The following KCNAB1 variants were observed in gnomAD, a reference collection of about 807,000 sequenced individuals.
The protein encoded by KCNAB1 is potassium voltage-gated channel subfamily A regulatory beta subunit 1.
Under a neutral mutation model 64.6 loss-of-function variants are expected in KCNAB1, and 35 were observed. The observed-to-expected ratio is 0.54, with a 90% CI of 0.41 to 0.72. The LOEUF (loss-of-function observed/expected upper bound fraction) is 0.72, where lower values mean the gene tolerates loss of function less well. KCNAB1 is among the 30% of genes least tolerant of loss of function. KCNAB1 has a pLI of 0.00. For missense variants in KCNAB1, 401 were observed against 512.9 expected (o/e 0.78, Z 2.11); for synonymous variants, 177 against 183.8 (o/e 0.96, Z 0.30).
Position 156,517,077 on chromosome 3 carries a change from A to G in KCNAB1, c.960+713A>G, listed in dbSNP as rs537496970. ...TTGAGAGAATGTGTAATAACATTAG[A>G]ATCACAAATTACTCTCTATTGTCAA... On this transcript the variant is annotated intron_variant, in intron 11 of 13. Transcript: ENST00000490337. Among the ~76,000 whole-genome samples the G allele has an allele frequency of 3.9e-5, 6 of 152,364 alleles. No individual in the cohort carries two copies. In the South Asian group the frequency reaches 1.2e-3, roughly 32 times the overall value.
rs77699923 is a variant in KCNAB1, at chr3:156,534,391, C to T, written c.1171-2267C>T. Among the ~76,000 whole-genome samples the T allele has an allele frequency of 4.9e-3, 751 of 152,224 alleles. 7 individuals carry two copies. Among genetic ancestry groups the T allele is most frequent in the African/African-American group, 0.017 (718 of 41,524 alleles). On this transcript the variant is annotated intron_variant, in intron 13 of 13. Transcript: ENST00000490337. ...ACAGCTGCAGGCAGCCCACCTTCAC[C>T]TGCACAGGTTCCATCCTCCCCACTC...
At chr3:156,525,426 A>G (rs576525699) in intron 12 of KCNAB1, among the ~76,000 whole-genome samples, 5 of 152,376 alleles carry the variant, frequency 3.3e-5, no homozygotes, top group African/African-American at 1.2e-4. Flanking sequence ...AAAAGCTTAT[A>G]ACAATATAAA....
At chr3:156,466,675 G>T (rs546295127) in intron 7 of KCNAB1, among the ~76,000 whole-genome samples, 4 of 151,982 alleles carry the variant, frequency 2.6e-5, no homozygotes, top group African/African-American at 9.6e-5. Flanking sequence ...AAAATGTGTA[G>T]AAAATTACCA....
intron 12 of KCNAB1, among the ~76,000 whole-genome samples, chr3:156,525,430 A>G (rs1178050631): frequency 6.6e-6 from 1 of 152,236 alleles, no homozygotes; most frequent in Non-Finnish European, 1.5e-5. Context: ...GCTTATAACA[A>G]TATAAAGAAA....
At chr3:156,351,025 A>G (rs1384176745) in intron 1 of KCNAB1, among the ~76,000 whole-genome samples, 2 of 152,256 alleles carry the variant, frequency 1.3e-5, no homozygotes, top group African/African-American at 2.4e-5. Flanking sequence ...AAGGAATCAG[A>G]CAGATTAAAA....
intron 3 of KCNAB1, among the ~76,000 whole-genome samples, chr3:156,453,467 T>G (rs1712156221): frequency 6.6e-6 from 1 of 152,152 alleles, no homozygotes; most frequent in Admixed American, 6.5e-5. Context: ...TGGTGATCTG[T>G]TGAAAGAATT....
At chr3:156,211,857 A>G (rs1023095106) in intron 1 of KCNAB1, among the ~76,000 whole-genome samples, 18 of 152,220 alleles carry the variant, frequency 1.2e-4, no homozygotes, top group Admixed American at 4.6e-4. Flanking sequence ...TGAGATGTGG[A>G]AAGCCCAGCA....
intron 1 of KCNAB1, among the ~76,000 whole-genome samples, chr3:156,152,195 C>T (rs1419061844): frequency 6.6e-6 from 1 of 152,188 alleles, no homozygotes; most frequent in Non-Finnish European, 1.5e-5. Context: ...AATCCGGTCC[C>T]CTGTGTCCCT....
At chr3:156,205,019 T>G (rs747687254) in intron 1 of KCNAB1, among the ~76,000 whole-genome samples, 16 of 152,192 alleles carry the variant, frequency 1.1e-4, no homozygotes, top group Non-Finnish European at 2.9e-5. Context: ...ACAAAAATTA[T>G]ATATCTCTTA....
intron 3 of KCNAB1, chr3:156,457,249 A>C (rs1236354141): frequency 7.3e-7 from 1 of 1,369,972 alleles, no homozygotes; most frequent in Non-Finnish European, 9.4e-7. Context: ...GTAACCCCTC[A>C]GTGCCCTATG....
intron 1 of KCNAB1, among the ~76,000 whole-genome samples, chr3:156,381,211 G>T (rs1712131630): frequency 6.6e-6 from 1 of 152,154 alleles, no homozygotes; most frequent in Non-Finnish European, 1.5e-5. Flanking sequence ...TGAGTCTTGG[G>T]ATTAGGGAAT....
At chr3:156,291,873 G>T (rs1720457051) in intron 1 of KCNAB1, 1 of 1,612,510 alleles carries the variant, frequency 6.2e-7, no homozygotes, top group Admixed American at 1.7e-5. Flanking sequence ...GTGTTCTGGG[G>T]TTCTGAGAGG....
chr3:156,176,817 C>T, intron 1 of KCNAB1: 1 of 891,574 alleles, frequency 1.1e-6, no homozygotes. Context: ...GGCTCCAGGG[C>T]CCGATCCCGC....
chr3:156,354,229 C>T (rs556586875), intron 1 of KCNAB1, among the ~76,000 whole-genome samples: 1 of 147,646 alleles, frequency 6.8e-6, no homozygotes, highest in Non-Finnish European at 1.5e-5. Context: ...TTGGTGTGAT[C>T]TCGGCTCACC....
intron 1 of KCNAB1, among the ~76,000 whole-genome samples, chr3:156,409,008 C>T (rs958731759): frequency 6.6e-6 from 1 of 152,020 alleles, no homozygotes; most frequent in Non-Finnish European, 1.5e-5. Context: ...TTATACTGTC[C>T]AAAAATTAGG....
chr3:156,418,541 A>G (rs1324523974), intron 1 of KCNAB1, among the ~76,000 whole-genome samples: 1 of 152,224 alleles, frequency 6.6e-6, no homozygotes, highest in Non-Finnish European at 1.5e-5. Context: ...ATGGATAGAG[A>G]CAGGAGGATG....
At chr3:156,286,279 T>A (rs917396143) in intron 1 of KCNAB1, among the ~76,000 whole-genome samples, 2 of 152,264 alleles carry the variant, frequency 1.3e-5, no homozygotes, top group Non-Finnish European at 2.9e-5. Flanking sequence ...AAACCCATGT[T>A]TTAAGAATTT....
intron 11 of KCNAB1, among the ~76,000 whole-genome samples, chr3:156,520,401 C>A (rs529901639): frequency 5.9e-5 from 9 of 152,034 alleles, no homozygotes; most frequent in Middle Eastern, 3.4e-3. Context: ...GGCAAAATGA[C>A]GAAACCCCAT....
At chr3:156,474,357 A>C (rs910095658) in intron 7 of KCNAB1, among the ~76,000 whole-genome samples, 4 of 152,236 alleles carry the variant, frequency 2.6e-5, no homozygotes, top group Non-Finnish European at 5.9e-5. Context: ...TAAGTGATCC[A>C]AAATACATAA....
Sources: gnomAD v4.1 joint callset for allele counts (sites outside exome capture counted in the v4.1 genomes callset) on GRCh38, gnomAD v4.1.1 for gene constraint, MANE v1.5 for transcripts, NCBI Gene and HGNC (gene_info 2026-07-23, HGNC 2026-07-21) for gene names.